Variants in ASPHD2 observed in about 807,000 individuals in gnomAD.
ASPHD2 encodes the protein aspartate beta-hydroxylase domain-containing protein 2.
In ASPHD2, 12 loss-of-function variants were observed where a neutral mutation model predicts 34.6. That is an observed-to-expected ratio of 0.35 (90% CI 0.22 to 0.56). The LOEUF (loss-of-function observed/expected upper bound fraction) is 0.56, where lower values mean the gene tolerates loss of function less well. Ranked by LOEUF, ASPHD2 falls within the 20% of genes least tolerant of loss-of-function variation. The pLI is 0.87. For synonymous variants in ASPHD2, 224 were observed against 212.2 expected (o/e 1.06, Z -0.48); for missense variants, 375 against 505.0 (o/e 0.74, Z 2.47).
rs1184646439 is a variant in ASPHD2, at chr22:26,434,378, G to A, written c.763G>A (p.Gly255Arg). The A allele has an allele frequency of 6.2e-6, 10 of 1,614,220 alleles. No individual in the cohort carries two copies. Among genetic ancestry groups the A allele is most frequent in the Non-Finnish European group, 8.5e-6 (10 of 1,180,042 alleles). ...GTGCCCACGGACGTACCGCTTGCTC[G>A]GAAGCCTTCGGACCTGTATTGGGAA... is the stretch of plus-strand genomic sequence containing the variant. ...RKCPRTYRLL[G>R]SLRTCIGNNV... is the part of the protein sequence containing the mutation. The change falls in exon 2 of 4, where the codon GGA becomes AGA. Residue 255 changes from glycine (G) to arginine (R), a missense_variant. Physicochemically the swap from Gly to Arg is moderately radical, Grantham distance 125 (BLOSUM62 -2). This residue lies in a region of ASPHD2 where 142 missense variants were observed against 217.9 expected (regional missense o/e 0.65). Transcript: ENST00000215906.
chr22:26,432,625 G>C (rs2084764459), intron 1 of ASPHD2, among the ~76,000 whole-genome samples: 1 of 152,218 alleles, frequency 6.6e-6, no homozygotes, highest in South Asian at 2.1e-4. Flanking sequence ...ACTTCTGGCT[G>C]TTTTGGAGAT....
chr22:26,436,020 AGCATTTGATGAATGG>A (rs2084790321), intron 2 of ASPHD2, among the ~76,000 whole-genome samples: 1 of 152,224 alleles, frequency 6.6e-6, no homozygotes, highest in Non-Finnish European at 1.5e-5. Flanking sequence ...GGCACGTGAC[AGCATTTGATGAATGG>A]GAGCTAGTAG....
At chr22:26,435,507 G>T (rs1025649414) in intron 2 of ASPHD2, among the ~76,000 whole-genome samples, 1 of 152,150 alleles carries the variant, frequency 6.6e-6, no homozygotes, top group Non-Finnish European at 1.5e-5. Context: ...TAGGGAGGAA[G>T]GAAGAGCAGC....
chr22:26,430,556 G>A (rs902713552), intron 1 of ASPHD2, among the ~76,000 whole-genome samples: 4 of 152,206 alleles, frequency 2.6e-5, no homozygotes, highest in Non-Finnish European at 5.9e-5. Context: ...AGGAGCTGTC[G>A]GGGGAGAGAG....
At position 26,443,268 on chromosome 22, in the gene ASPHD2, C is replaced by A; in HGVS notation, c.*62C>A. 1 of 1,354,970 alleles carries A rather than the reference C, an allele frequency of 7.4e-7. No homozygotes were observed. The allele number at this position is 1,354,970 out of a possible 1,614,324, so 83.9% of individuals were successfully genotyped here. A position where few individuals can be genotyped will look rare whatever the true frequency, so the allele number is the denominator to read the frequency against. ...AGGCGGGGCCTGGGCAGACTGTGGT[C>A]CGGTCCAGTCCCTACCGGTGTTGTT... On this transcript the variant is annotated 3_prime_UTR_variant, in exon 4 of 4. Coordinates refer to ENST00000215906, the MANE Select transcript of ASPHD2 (RefSeq NM_020437.5).
At chr22:26,436,107 C>T (rs911726062) in intron 2 of ASPHD2, among the ~76,000 whole-genome samples, 1 of 152,204 alleles carries the variant, frequency 6.6e-6, no homozygotes, top group Non-Finnish European at 1.5e-5. Context: ...GACCCTGCCC[C>T]CAGGAAACAG....
chr22:26,443,261 C>A lies in ASPHD2; in HGVS notation c.*55C>A. 1 of 1,469,420 alleles carries A rather than the reference C, an allele frequency of 6.8e-7. No individual in the cohort carries two copies. The highest frequency in any genetic ancestry group is 9.5e-7 in the Non-Finnish European group (1 of 1,048,920). 91.0% of individuals were successfully genotyped at this position (1,469,420 alleles called of 1,614,324 possible). A position where few individuals can be genotyped will look rare whatever the true frequency, so the allele number is the denominator to read the frequency against. On this transcript the variant is annotated 3_prime_UTR_variant, in exon 4 of 4. Coordinates refer to ENST00000215906, the MANE Select transcript of ASPHD2 (RefSeq NM_020437.5). ...AGGGCCGAGGCGGGGCCTGGGCAGA[C>A]TGTGGTCCGGTCCAGTCCCTACCGG... is the stretch of plus-strand genomic sequence containing the variant.
In ASPHD2 at chr22:26,439,561, G is replaced by C. The variant is rs572350812; in HGVS notation, c.887-2898G>C. The stretch of plus-strand genomic sequence containing the variant: ...AGCAACACTAAATGGTAACTTTTTA[G>C]CAGGTCATTTAACTTCTTAGTTACC... On this transcript the variant is annotated intron_variant, in intron 2 of 3. Transcript: ENST00000215906. 2.6e-5 allele frequency among the ~76,000 whole-genome samples: 4 copies of C among 152,268 alleles called. No individual in the cohort carries two copies. The South Asian group carries it at 8.3e-4, about 32-fold the overall frequency.
In ASPHD2 at chr22:26,433,866, G is replaced by A. The variant is rs764816494; in HGVS notation, c.251G>A (p.Arg84Gln). The change falls in exon 2 of 4, where the codon CGG becomes CAG. Residue 84 changes from arginine (R) to glutamine (Q), a missense_variant. By Grantham distance (43) the Arg-to-Gln change is conservative. Coordinates refer to ENST00000215906, the MANE Select transcript of ASPHD2 (RefSeq NM_020437.5). This position sits in a 1 kb window ranked among gnomAD's most constrained non-coding sequence, Gnocchi z 5.1. ...TATCACGTGGGCAGGGAGCAGCCCC[G>A]GCCCTACGTCTCCGTCAACTCCCTC... Reference protein sequence around the residue: ...YCYHVGREQPRPYVSVNSLMQ... With the variant: ...YCYHVGREQPQPYVSVNSLMQ... 5 of 1,613,846 alleles carry A rather than the reference G, an allele frequency of 3.1e-6. No homozygotes were observed. Among genetic ancestry groups the A allele is most frequent in the African/African-American group, 2.7e-5 (2 of 75,068 alleles).
At chr22:26,438,530 C>CAT (rs1568983947) in intron 2 of ASPHD2, among the ~76,000 whole-genome samples, 48 of 143,984 alleles carry the variant, frequency 3.3e-4, no homozygotes, top group African/African-American at 1.2e-3. Flanking sequence ...TATATACATA[C>CAT]ATATATACAC....
At chr22:26,436,489 A>T (rs2084793072) in intron 2 of ASPHD2, among the ~76,000 whole-genome samples, 1 of 152,112 alleles carries the variant, frequency 6.6e-6, no homozygotes, top group South Asian at 2.1e-4. Context: ...GCCAGGGTGG[A>T]GCGAGGGAGC....
At chr22:26,431,929 C>T (rs1216082811) in intron 1 of ASPHD2, among the ~76,000 whole-genome samples, 1 of 152,248 alleles carries the variant, frequency 6.6e-6, no homozygotes, top group African/African-American at 2.4e-5. Flanking sequence ...GGCGCAGTGG[C>T]TCACGCCTGT....
chr22:26,442,969 T>G lies in ASPHD2; in HGVS notation c.1001-128T>G, dbSNP rs1298653392. On this transcript the variant is annotated intron_variant, in intron 3 of 3. Coordinates refer to ENST00000215906, the MANE Select transcript of ASPHD2 (RefSeq NM_020437.5). Reference sequence around the variant, plus strand: ...CTCAGTGAGAGAGGAGGTGGTCCGATCCGAGCCGAGGGACAGGATGGGGTC... The same window carrying G: ...CTCAGTGAGAGAGGAGGTGGTCCGAGCCGAGCCGAGGGACAGGATGGGGTC... 4 of 723,740 alleles carry G rather than the reference T, an allele frequency of 5.5e-6. No homozygotes were observed. In the South Asian group the frequency reaches 6.4e-5, roughly 12 times the overall value. 44.8% of individuals were successfully genotyped at this position (723,740 alleles called of 1,614,324 possible). A position where few individuals can be genotyped will look rare whatever the true frequency, so the allele number is the denominator to read the frequency against.
chr22:26,438,658 T>TATAC (rs2084816614), intron 2 of ASPHD2, among the ~76,000 whole-genome samples: 1 of 109,224 alleles, frequency 9.2e-6, no homozygotes, highest in African/African-American at 3.1e-5. Flanking sequence ...CATACATATA[T>TATAC]ATATATACAC....
intron 1 of ASPHD2, among the ~76,000 whole-genome samples, chr22:26,432,008 CAA>C (rs2084759616): frequency 6.6e-6 from 1 of 152,274 alleles, no homozygotes; most frequent in African/African-American, 2.4e-5. Context: ...CCAGCCTGAC[CAA>C]CATGGAAAAA....
At position 26,443,093 on chromosome 22, in the gene ASPHD2, C is replaced by T. The variant is rs75079091; in HGVS notation, c.1001-4C>T. ...CTGTCCTCTCACCCCTCCTTCCCCC[C>T]CAGGTTCAGCAGAGGATGGCCCACG... On this transcript the variant is annotated splice_region_variant and splice_polypyrimidine_tract_variant and intron_variant, in intron 3 of 3. Transcript: ENST00000215906. The T allele has an allele frequency of 2.5e-6, 4 of 1,611,920 alleles. No individual in the cohort carries two copies. The Admixed American group carries it at 6.7e-5, about 27-fold the overall frequency.
In ASPHD2 at chr22:26,434,457, C is replaced by G. The variant is rs763510073; in HGVS notation, c.842C>G (p.Thr281Arg). The change falls in exon 2 of 4, where the codon ACG becomes AGG. Residue 281 changes from threonine (T) to arginine (R), a missense_variant. Thr to Arg is a moderately conservative substitution (Grantham distance 71). Transcript: ENST00000215906. ...GTGCTGAGCCCTGGGACTGTGATAACGGAGCACTATGGACCCACCAACATC... is the reference window on the plus strand; with the variant it reads ...GTGCTGAGCCCTGGGACTGTGATAAGGGAGCACTATGGACCCACCAACATC... ...ISVLSPGTVI[T>R]EHYGPTNIRI... 6.2e-7 allele frequency: 1 copy of G among 1,612,030 alleles called. No homozygotes were observed. The highest frequency in any genetic ancestry group is 1.3e-5 in the African/African-American group (1 of 74,980).
chr22:26,433,862 C>A lies in ASPHD2; in HGVS notation c.247C>A (p.Pro83Thr), dbSNP rs1568981835. Residue 83 changes from proline to threonine, a missense_variant, in exon 2 of 4, where the codon CCC becomes ACC. Coordinates refer to ENST00000215906, the MANE Select transcript of ASPHD2 (RefSeq NM_020437.5). The surrounding 1 kb of genome is among the most constrained non-coding windows in gnomAD (Gnocchi z 5.1). Reference protein sequence around the residue: ...WYCYHVGREQPRPYVSVNSLM... With the variant: ...WYCYHVGREQTRPYVSVNSLM... ...CTGTTATCACGTGGGCAGGGAGCAG[C>A]CCCGGCCCTACGTCTCCGTCAACTC... The A allele has an allele frequency of 6.2e-7, 1 of 1,613,876 alleles. No homozygotes were observed. The highest frequency in any genetic ancestry group is 2.2e-5 in the East Asian group (1 of 44,884).
chr22:26,431,551 G>A (rs2084756313), intron 1 of ASPHD2, among the ~76,000 whole-genome samples: 2 of 152,002 alleles, frequency 1.3e-5, no homozygotes, highest in African/African-American at 4.8e-5. Flanking sequence ...AAACATTATA[G>A]TCAAGTGATT....
Sources: allele counts gnomAD v4.1 joint callset (sites outside exome capture counted in the v4.1 genomes callset), GRCh38; gene constraint gnomAD v4.1.1; regional missense constraint gnomAD v4.1.1; non-coding constraint Gnocchi (gnomAD v3.1); transcripts MANE v1.5; gene names NCBI Gene and HGNC (gene_info 2026-07-23, HGNC 2026-07-21).